The following DGKB variants were observed in gnomAD, a reference collection of about 807,000 sequenced individuals.
The protein encoded by DGKB is diacylglycerol kinase beta.
A neutral mutation model predicts 114.3 loss-of-function variants in DGKB; 67 were observed. The observed-to-expected ratio is 0.59, with a 90% CI of 0.48 to 0.72. DGKB has a LOEUF of 0.72. Ranked by LOEUF, DGKB falls within the 30% of genes least tolerant of loss-of-function variation. DGKB has a pLI of 0.00. For synonymous variants in DGKB, 398 were observed against 323.1 expected, an observed-to-expected ratio of 1.23 and a Z score of -2.49; for missense variants, 907 against 975.2, an observed-to-expected ratio of 0.93 and a Z score of 0.93.
At chr7:14,266,245 A>C (rs1222988463) in intron 23 of DGKB, among the ~76,000 whole-genome samples, 1 of 152,220 alleles carries the variant, frequency 6.6e-6, no homozygotes, top group African/African-American at 2.4e-5. Context: ...GATTGATTCT[A>C]AGAATTTTGC....
At position 14,574,325 on chromosome 7, in the gene DGKB, T is replaced by G; in HGVS notation, c.1657A>C (p.Ser553Arg). The G allele has an allele frequency of 6.2e-7, 1 of 1,613,296 alleles. No individual in the cohort carries two copies. Among genetic ancestry groups the G allele is most frequent in the Non-Finnish European group, 8.5e-7 (1 of 1,179,596 alleles). ...LMKILKDIEN[S>R]TEIMLDRWKF... The stretch of plus-strand genomic sequence containing the variant: ...CACCTGTCCAACATGATTTCTGTGC[T>G]GTTTTCAATGTCTTTTAGAATTTTC... Residue 553 changes from serine (S) to arginine (R), a missense_variant, in exon 20 of 26, where the codon AGC (serine) becomes CGC (arginine). Ser to Arg is a moderately radical substitution (Grantham distance 110). Coordinates refer to ENST00000402815, the MANE Select transcript of DGKB (RefSeq NM_001350709.2).
At chr7:14,852,279 AGTGTGT>A (rs143744648) in intron 1 of DGKB, among the ~76,000 whole-genome samples, 5 of 149,730 alleles carry the variant, frequency 3.3e-5, no homozygotes, top group Admixed American at 2.7e-4. Context: ...TGCTGAAAGA[AGTGTGT>A]GTGTGTGTGT....
intron 16 of DGKB, among the ~76,000 whole-genome samples, chr7:14,609,287 A>G (rs1467917339): frequency 6.6e-6 from 1 of 152,042 alleles, no homozygotes; most frequent in Non-Finnish European, 1.5e-5. Flanking sequence ...ACAAAACAAT[A>G]GCGAAAGGAC....
intron 2 of DGKB, among the ~76,000 whole-genome samples, chr7:14,791,953 G>C (rs1272683016): frequency 6.6e-6 from 1 of 151,936 alleles, no homozygotes; most frequent in Non-Finnish European, 1.5e-5. Flanking sequence ...TTTGGTTCTG[G>C]TATCAGGGTA....
intron 21 of DGKB, among the ~76,000 whole-genome samples, chr7:14,471,807 C>T (rs543723192): frequency 2.6e-4 from 40 of 151,774 alleles, no homozygotes; most frequent in Non-Finnish European, 4.7e-4. Context: ...GATAAATATA[C>T]CATGAAATAG....
At position 14,224,807 on chromosome 7, in the gene DGKB, C is replaced by G. The variant is rs539256768; in HGVS notation, c.2123-46656G>C. Among the ~76,000 whole-genome samples the G allele has an allele frequency of 7.4e-4, 112 of 152,130 alleles. 1 individual carries two copies. The highest frequency in any genetic ancestry group is 2.5e-3 in the African/African-American group (104 of 41,536). On this transcript the variant is annotated intron_variant, in intron 23 of 25. Transcript: ENST00000402815. Reference sequence around the variant, plus strand: ...CAATGATAGTGACTTTTTCAGGACACTCTTTGACTATCTCTTTCTTTGACC... The same window carrying G: ...CAATGATAGTGACTTTTTCAGGACAGTCTTTGACTATCTCTTTCTTTGACC...
At chr7:14,347,238 T>C (rs1365753694) in intron 21 of DGKB, among the ~76,000 whole-genome samples, 1 of 152,054 alleles carries the variant, frequency 6.6e-6, no homozygotes, top group South Asian at 2.1e-4. Flanking sequence ...AAACCACAAT[T>C]AGATATCACC....
chr7:14,348,183 C>T (rs920971864), intron 21 of DGKB, among the ~76,000 whole-genome samples: 7 of 151,318 alleles, frequency 4.6e-5, no homozygotes, highest in South Asian at 2.1e-4. Flanking sequence ...TCCTTTCCTT[C>T]GACAACCACT....
chr7:14,406,100 G>C (rs1265504132), intron 21 of DGKB, among the ~76,000 whole-genome samples: 1 of 152,154 alleles, frequency 6.6e-6, no homozygotes, highest in East Asian at 1.9e-4. Flanking sequence ...GCCATTATTA[G>C]AGATGCTGCC....
chr7:14,952,447 CAGA>C (rs2128261043), intron 1 of DGKB, among the ~76,000 whole-genome samples: 2 of 151,988 alleles, frequency 1.3e-5, no homozygotes, highest in East Asian at 3.9e-4. Context: ...TCTAAGAACT[CAGA>C]AGTTTGGCTG....
At chr7:14,732,025 G>A (rs1830997132) in intron 5 of DGKB, among the ~76,000 whole-genome samples, 1 of 151,848 alleles carries the variant, frequency 6.6e-6, no homozygotes, top group Non-Finnish European at 1.5e-5. Context: ...AATGCCAAAT[G>A]GATCATTACA....
At chr7:14,960,088 G>C (rs1587461628) in intron 1 of DGKB, among the ~76,000 whole-genome samples, 1 of 150,728 alleles carries the variant, frequency 6.6e-6, no homozygotes, top group Middle Eastern at 3.4e-3. Context: ...ATGTACCTCA[G>C]TGTGACTTTT....
At chr7:14,340,095 A>G (rs893035059) in intron 22 of DGKB, among the ~76,000 whole-genome samples, 4 of 151,238 alleles carry the variant, frequency 2.6e-5, no homozygotes, top group African/African-American at 9.7e-5. Context: ...AACAAATTCT[A>G]GAGAAAGTGC....
chr7:14,507,439 C>T (rs936534823), intron 20 of DGKB, among the ~76,000 whole-genome samples: 3 of 152,044 alleles, frequency 2.0e-5, no homozygotes, highest in Admixed American at 6.5e-5. Context: ...TCAATGGTCT[C>T]TTACTAATCA....
intron 10 of DGKB, among the ~76,000 whole-genome samples, chr7:14,684,413 G>A (rs1454065648): frequency 2.0e-5 from 3 of 152,080 alleles, no homozygotes; most frequent in African/African-American, 7.2e-5. Context: ...TGAAAAGGTT[G>A]GGGAGAGATA....
intron 1 of DGKB, among the ~76,000 whole-genome samples, chr7:14,895,906 G>A (rs1246329441): frequency 6.6e-6 from 1 of 151,692 alleles, no homozygotes; most frequent in Non-Finnish European, 1.5e-5. Flanking sequence ...TTGGTCAAGA[G>A]CCAAACAAGA....
intron 23 of DGKB, among the ~76,000 whole-genome samples, chr7:14,312,696 T>C (rs1036348670): frequency 7.9e-5 from 12 of 152,208 alleles, no homozygotes; most frequent in African/African-American, 2.9e-4. Flanking sequence ...TCAAAGGTAC[T>C]GATGGTAAAA....
chr7:14,399,251 A>C (rs1466234310), intron 21 of DGKB, among the ~76,000 whole-genome samples: 1 of 151,706 alleles, frequency 6.6e-6, no homozygotes, highest in Non-Finnish European at 1.5e-5. Context: ...CAGAAAACAA[A>C]ATGTTAGTAT....
chr7:14,288,312 A>G (rs1489872099), intron 23 of DGKB, among the ~76,000 whole-genome samples: 1 of 131,580 alleles, frequency 7.6e-6, no homozygotes, highest in African/African-American at 2.8e-5. Flanking sequence ...TTTTACTGAT[A>G]TAGCTCTATA....
Sources: gnomAD v4.1 joint callset for allele counts (sites outside exome capture counted in the v4.1 genomes callset) on GRCh38, gnomAD v4.1.1 for gene constraint, MANE v1.5 for transcripts, NCBI Gene and HGNC (gene_info 2026-07-23, HGNC 2026-07-21) for gene names.